TTC12: variants seen among roughly 807,000 people sequenced by gnomAD.
The protein encoded by TTC12 is tetratricopeptide repeat domain 12, also known as tetratricopeptide repeat protein 12.
Under a neutral mutation model 90.1 loss-of-function variants are expected in TTC12, and 70 were observed. The ratio of observed to expected loss-of-function variants is 0.78; its 90% CI spans 0.64 to 0.95. The LOEUF (loss-of-function observed/expected upper bound fraction) is 0.95, where lower values mean the gene tolerates loss of function less well. Ranked by LOEUF, TTC12 falls within the 40% of genes least tolerant of loss-of-function variation. The probability of loss-of-function intolerance (pLI) is 0.00; values close to 1 mark genes in which losing one functional copy is unlikely to be tolerated. For missense variants in TTC12, 819 were observed against 846.1 expected (o/e 0.97, Z 0.40); for synonymous variants, 296 against 311.5 (o/e 0.95, Z 0.53).
chr11:113,315,405 T>A (rs1946872968), intron 1 of TTC12, among the ~76,000 whole-genome samples: 1 of 152,124 alleles, frequency 6.6e-6, no homozygotes. Context: ...CACTCGTAGT[T>A]TGTTCGTGGC....
chr11:113,359,354 T>C lies in TTC12; in HGVS notation c.1447-9T>C. ...AAAGGTCATTGGTTACCTTGTTTTG[T>C]TTCCCAAGGCCAGGTGTGAGGAGGA... On this transcript the variant is annotated splice_polypyrimidine_tract_variant and intron_variant, in intron 16 of 21. Transcript: ENST00000529221. 6.3e-7 allele frequency: 1 copy of C among 1,591,858 alleles called. No homozygotes were observed. Among genetic ancestry groups the C allele is most frequent in the Non-Finnish European group, 8.6e-7 (1 of 1,162,346 alleles).
intron 21 of TTC12, 136 bp downstream of exon 21, chr11:113,365,196 A>G: frequency 1.3e-6 from 1 of 755,622 alleles, no homozygotes; most frequent in Non-Finnish European, 2.2e-6. Flanking sequence ...GACCTAGGTT[A>G]AGCCCAGTAG....
chr11:113,332,051 T>C (rs1555142721), intron 7 of TTC12, among the ~76,000 whole-genome samples: 1 of 152,262 alleles, frequency 6.6e-6, no homozygotes, highest in African/African-American at 2.4e-5. Flanking sequence ...TTAATCTTTT[T>C]GGACACTTTT....
chr11:113,323,091 CT>C, intron 2 of TTC12, among the ~76,000 whole-genome samples, 196 bp from the exon 3 acceptor site: 1 of 103,762 alleles, frequency 9.6e-6, no homozygotes, highest in East Asian at 2.8e-4. Flanking sequence ...TCACCTGCAA[CT>C]TTTTCTAGGC....
At chr11:113,330,156 G>A (rs893919142) in intron 7 of TTC12, among the ~76,000 whole-genome samples, 177 bp downstream of exon 7, 4 of 152,202 alleles carry the variant, frequency 2.6e-5, no homozygotes, top group Non-Finnish European at 5.9e-5. Context: ...CACAGAAAGT[G>A]CCTAGTTCCT....
chr11:113,340,890 G>A (rs930415747), intron 11 of TTC12, among the ~76,000 whole-genome samples, 157 bp downstream of exon 11: 1 of 152,152 alleles, frequency 6.6e-6, no homozygotes, highest in East Asian at 1.9e-4. Flanking sequence ...GCTACTCCAC[G>A]AACATCTTTG....
chr11:113,359,560 T>C, intron 17 of TTC12, 99 bp downstream of exon 17: 1 of 826,880 alleles, frequency 1.2e-6, no homozygotes, highest in South Asian at 1.6e-5. Flanking sequence ...CAGAAGCATG[T>C]ACACTCACAC....
At chr11:113,340,079 A>G (rs1948598035) in intron 10 of TTC12, among the ~76,000 whole-genome samples, 1 of 152,176 alleles carries the variant, frequency 6.6e-6, no homozygotes, top group African/African-American at 2.4e-5. Flanking sequence ...TTCAGAGCAA[A>G]CATCAGCTCT....
rs781871481 is a variant in TTC12 at position 113,362,402 on chromosome 11, G to T, written c.1616G>T (p.Arg539Ile). 3 of 1,611,066 alleles carry T rather than the reference G, an allele frequency of 1.9e-6. No homozygotes were observed. The highest frequency in any genetic ancestry group is 2.5e-6 in the Non-Finnish European group (3 of 1,177,240). The change falls in exon 19 of 22, where the codon AGA becomes ATA. Residue 539 changes from arginine (R) to isoleucine (I), a missense_variant and splice_region_variant. Coordinates refer to ENST00000529221, the MANE Select transcript of TTC12 (RefSeq NM_017868.4). ...TTATCCTCTTTCTGCTGTACTCAGAGAGCTGCTGGTGTTCTGAGCCGGACC... is the reference window on the plus strand; with the variant it reads ...TTATCCTCTTTCTGCTGTACTCAGATAGCTGCTGGTGTTCTGAGCCGGACC... ...LNSQDGGILTRAAGVLSRTLS... is the reference protein window; with the variant it reads ...LNSQDGGILTIAAGVLSRTLS...
In TTC12 at chr11:113,324,827, A is replaced by G. The variant is rs181068401; in HGVS notation, c.322+145A>G. ...CTTGAGGCAGTGGGACCTGGCCAGAAGGAAATCATTGATGGTCTGTTCTCT... is the reference window on the plus strand; with the variant it reads ...CTTGAGGCAGTGGGACCTGGCCAGAGGGAAATCATTGATGGTCTGTTCTCT... On this transcript the variant is annotated intron_variant, in intron 5 of 21. Coordinates refer to ENST00000529221, the MANE Select transcript of TTC12 (RefSeq NM_017868.4). 8.7e-5 allele frequency: 58 copies of G among 666,418 alleles called. No individual in the cohort carries two copies. The East Asian group carries it at 1.5e-3, about 18-fold the overall frequency. 41.3% of individuals were successfully genotyped at this position (666,418 alleles called of 1,614,324 possible). A position where few individuals can be genotyped will look rare whatever the true frequency, so the allele number is the denominator to read the frequency against.
At chr11:113,337,819 G>C (rs1436708059) in intron 8 of TTC12, among the ~76,000 whole-genome samples, 1 of 152,114 alleles carries the variant, frequency 6.6e-6, no homozygotes, top group African/African-American at 2.4e-5. Context: ...ATGGGGACCA[G>C]GTTGGTGGTG....
chr11:113,366,775 C>T (rs1410682691), downstream of TTC12, among the ~76,000 whole-genome samples: 1 of 152,218 alleles, frequency 6.6e-6, no homozygotes, highest in African/African-American at 2.4e-5. Flanking sequence ...CTGCAGCTGA[C>T]TCCTGGCCTG....
At chr11:113,370,033 C>A (rs1259931098), downstream of TTC12, among the ~76,000 whole-genome samples, 1 of 152,174 alleles carries the variant, frequency 6.6e-6, no homozygotes, top group Non-Finnish European at 1.5e-5. Context: ...TGCCTTCTTA[C>A]ATGACCCCAT....
At position 113,334,967 on chromosome 11, in the gene TTC12, G is replaced by A; in HGVS notation, c.506G>A (p.Cys169Tyr). 6.2e-7 allele frequency: 1 copy of A among 1,613,316 alleles called. No homozygotes were observed. The highest frequency in any genetic ancestry group is 8.5e-7 in the Non-Finnish European group (1 of 1,179,332). ...ALVDCEWALK[C>Y]DEKCTKAYFH... Reference sequence around the variant, plus strand: ...GATCAGTCATTCTCTTTTATGCAGTGTGATGAAAAATGCACAAAAGCATAT... The same window carrying A: ...GATCAGTCATTCTCTTTTATGCAGTATGATGAAAAATGCACAAAAGCATAT... The change falls in exon 8 of 22, where the codon TGT becomes TAT. Residue 169 changes from cysteine (C) to tyrosine (Y), a missense_variant and splice_region_variant. Coordinates refer to ENST00000529221, the MANE Select transcript of TTC12 (RefSeq NM_017868.4).
At chr11:113,360,483 T>A (rs1949865130) in intron 18 of TTC12, among the ~76,000 whole-genome samples, 1 of 152,230 alleles carries the variant, frequency 6.6e-6, no homozygotes, top group Non-Finnish European at 1.5e-5. Flanking sequence ...TTTTACCCTC[T>A]TTTTAAAATA....
chr11:113,342,218 G>C (rs1948724458), intron 12 of TTC12, among the ~76,000 whole-genome samples: 1 of 152,162 alleles, frequency 6.6e-6, no homozygotes, highest in Non-Finnish European at 1.5e-5. Context: ...GAGGTAGATG[G>C]AGTTTTTCTT....
At chr11:113,317,097 G>A (rs1242604036) in intron 2 of TTC12, among the ~76,000 whole-genome samples, 2 of 152,208 alleles carry the variant, frequency 1.3e-5, no homozygotes, top group African/African-American at 2.4e-5. Flanking sequence ...GTTCCATGGA[G>A]CTCTGGCCTT....
At position 113,322,203 on chromosome 11, in the gene TTC12, A is replaced by G. The variant is rs782403262; in HGVS notation, c.59-1085A>G. Reference sequence around the variant, plus strand: ...GAAATGAAGAAATTAGAACAGGAAAATGAATTAAGAAGTTTAATTGTGAAG... The same window carrying G: ...GAAATGAAGAAATTAGAACAGGAAAGTGAATTAAGAAGTTTAATTGTGAAG... On this transcript the variant is annotated intron_variant, in intron 2 of 21. Coordinates refer to ENST00000529221, the MANE Select transcript of TTC12 (RefSeq NM_017868.4). Among the ~76,000 whole-genome samples the G allele has an allele frequency of 3.9e-5, 6 of 152,334 alleles. No individual in the cohort carries two copies. The South Asian group carries it at 8.3e-4, about 21-fold the overall frequency.
At position 113,314,722 on chromosome 11, in the gene TTC12, G is replaced by T. The variant is rs1252204409; in HGVS notation, c.-16+104G>T. 2.0e-5 allele frequency: 3 copies of T among 153,000 alleles called. No individual in the cohort carries two copies. In the Admixed American group the frequency reaches 2.0e-4, roughly 10 times the overall value. 9.5% of individuals were successfully genotyped at this position (153,000 alleles called of 1,614,324 possible). A position where few individuals can be genotyped will look rare whatever the true frequency, so the allele number is the denominator to read the frequency against. On this transcript the variant is annotated intron_variant, in intron 1 of 21. Coordinates refer to ENST00000529221, the MANE Select transcript of TTC12 (RefSeq NM_017868.4). ...GCTTTGGGCCCCAGAGCATGGGAAG[G>T]TCTTGGCTGCGGTCTGGGACGGCTG...
Sources: allele counts gnomAD v4.1 joint callset (sites outside exome capture counted in the v4.1 genomes callset), GRCh38; gene constraint gnomAD v4.1.1; transcripts MANE v1.5; gene names NCBI Gene and HGNC (gene_info 2026-07-23, HGNC 2026-07-21).